EML1: variants seen among roughly 807,000 people sequenced by gnomAD.
EML1 encodes EMAP like 1.
In EML1, 27 loss-of-function variants were observed where a neutral mutation model predicts 110.4. The observed-to-expected ratio is 0.24, with a 90% CI of 0.18 to 0.34. The LOEUF is 0.34. Ranked by LOEUF, EML1 falls within the 10% of genes least tolerant of loss-of-function variation. The pLI is 1.00. For missense variants in EML1, 741 were observed against 1,030.9 expected (o/e 0.72, Z 3.85); for synonymous variants, 344 against 385.8 (o/e 0.89, Z 1.27).
intron 1 of EML1, among the ~76,000 whole-genome samples, chr14:99,833,875 G>A (rs77655258): frequency 0.011 from 1,657 of 152,266 alleles, 33 homozygotes; most frequent in African/African-American, 0.038. Flanking sequence ...ATTAGTTCCA[G>A]TAACTTCTTT....
At chr14:99,852,088 T>G (rs1035869342) in intron 2 of EML1, among the ~76,000 whole-genome samples, 2 of 152,230 alleles carry the variant, frequency 1.3e-5, no homozygotes, top group Non-Finnish European at 2.9e-5. Flanking sequence ...CATTATCTTC[T>G]TAGAAGATAA....
At chr14:99,825,947 A>G (rs1371358813) in intron 1 of EML1, among the ~76,000 whole-genome samples, 1 of 152,176 alleles carries the variant, frequency 6.6e-6, no homozygotes, top group East Asian at 1.9e-4. Flanking sequence ...TGAACTTTAC[A>G]GTAAGCAAGC....
chr14:99,920,901 C>CT, intron 17 of EML1, 24 bp downstream of exon 17: 1 of 1,524,302 alleles, frequency 6.6e-7, no homozygotes, highest in Non-Finnish European at 8.8e-7. Context: ...CCATTCACTA[C>CT]TTTATTTTTT....
intron 1 of EML1, among the ~76,000 whole-genome samples, chr14:99,831,304 G>A (rs150270223): frequency 1.6e-3 from 241 of 152,270 alleles, no homozygotes; most frequent in African/African-American, 4.9e-3. Flanking sequence ...TGATCATCCG[G>A]TCGTAGTCTC....
intron 1 of EML1, among the ~76,000 whole-genome samples, chr14:99,845,119 C>T (rs1443324460): frequency 6.6e-6 from 1 of 152,152 alleles, no homozygotes; most frequent in Non-Finnish European, 1.5e-5. Flanking sequence ...ATTTTGTGTG[C>T]CCACCAGCAG....
intron 3 of EML1, among the ~76,000 whole-genome samples, chr14:99,875,261 T>G (rs778226171): frequency 6.6e-6 from 1 of 152,212 alleles, no homozygotes; most frequent in Non-Finnish European, 1.5e-5. Context: ...CCCCACCACT[T>G]GCTGTAACCC....
At position 99,932,168 on chromosome 14, in the gene EML1, C is replaced by T. The variant is rs981693988; in HGVS notation, c.1910-3861C>T. ...CAGAGGCCTGGGGTTGTGGATGGTA[C>T]GATCAGCCGGTTCCCCTCTGCAGGG... On this transcript the variant is annotated intron_variant, in intron 17 of 21. Transcript: ENST00000262233. Among the ~76,000 whole-genome samples, 8 of 152,256 alleles carry T rather than the reference C, an allele frequency of 5.3e-5. No homozygotes were observed. The East Asian group carries it at 5.8e-4, about 11-fold the overall frequency.
chr14:99,771,672 CATG>C (rs1185885352), upstream of EML1, among the ~76,000 whole-genome samples: 1 of 152,120 alleles, frequency 6.6e-6, no homozygotes, highest in Non-Finnish European at 1.5e-5. Flanking sequence ...ATTAGCCAGG[CATG>C]GTGGTGTGTG....
intron 3 of EML1, among the ~76,000 whole-genome samples, chr14:99,875,519 T>C (rs1432740537): frequency 6.6e-6 from 1 of 152,224 alleles, no homozygotes; most frequent in East Asian, 1.9e-4. Flanking sequence ...CTGTAATTGA[T>C]GAACAGTTGT....
intron 1 of EML1, among the ~76,000 whole-genome samples, chr14:99,810,930 G>A (rs988940354): frequency 6.6e-6 from 1 of 152,016 alleles, no homozygotes. Context: ...GCATTGCATT[G>A]TACCCCCTAA....
chr14:99,775,223 T>C (rs1380827511), intron 1 of EML1, among the ~76,000 whole-genome samples: 1 of 152,124 alleles, frequency 6.6e-6, no homozygotes, highest in Non-Finnish European at 1.5e-5. Flanking sequence ...TTACAGAGCA[T>C]CCAGGAGGGA....
intron 12 of EML1, among the ~76,000 whole-genome samples, chr14:99,910,660 G>C (rs2059930929): frequency 6.6e-6 from 1 of 152,136 alleles, no homozygotes; most frequent in African/African-American, 2.4e-5. Context: ...CTACTTATAG[G>C]TCTGTAAAAT....
chr14:99,932,050 G>C (rs1373716764), intron 17 of EML1, among the ~76,000 whole-genome samples: 2 of 152,110 alleles, frequency 1.3e-5, no homozygotes, highest in African/African-American at 4.8e-5. Context: ...TGGTGGGTGC[G>C]TGCTAAGGAC....
intron 1 of EML1, chr14:99,737,985 C>T (rs1389880372): frequency 2.3e-5 from 23 of 1,020,728 alleles, no homozygotes; most frequent in Non-Finnish European, 3.0e-5. Context: ...TTCCTCCTTG[C>T]CCGACGCCTG....
chr14:99,929,761 G>A (rs1398643242), intron 17 of EML1, among the ~76,000 whole-genome samples: 1 of 152,192 alleles, frequency 6.6e-6, no homozygotes, highest in Non-Finnish European at 1.5e-5. Context: ...CATTGACATG[G>A]AATTTCAGAA....
At chr14:99,883,266 C>T (rs2059418526) in intron 4 of EML1, 1 of 152,136 alleles carries the variant, frequency 6.6e-6, no homozygotes. Flanking sequence ...CGTGGTGGCC[C>T]ACTCCTGTAA....
intron 4 of EML1, among the ~76,000 whole-genome samples, chr14:99,886,328 A>G (rs1182377541): frequency 6.6e-6 from 1 of 152,166 alleles, no homozygotes; most frequent in Non-Finnish European, 1.5e-5. Flanking sequence ...CAAAAAATCT[A>G]AACATTAGCC....
At chr14:99,793,641 G>A (rs2057712143) in intron 1 of EML1, 98 bp downstream of exon 1, 2 of 911,126 alleles carry the variant, frequency 2.2e-6, no homozygotes, top group Middle Eastern at 5.5e-4. Context: ...GAGGCCCGGC[G>A]GCCGCGGGCG....
At chr14:99,779,330 A>C (rs1377549996) in intron 1 of EML1, among the ~76,000 whole-genome samples, 1 of 152,136 alleles carries the variant, frequency 6.6e-6, no homozygotes, top group Non-Finnish European at 1.5e-5. Context: ...AAGATGTTTT[A>C]TCATCTAATT....
Sources: allele counts gnomAD v4.1 joint callset (sites outside exome capture counted in the v4.1 genomes callset), GRCh38; gene constraint gnomAD v4.1.1; transcripts MANE v1.5; gene names NCBI Gene and HGNC (gene_info 2026-07-23, HGNC 2026-07-21).